The following ZNF385D variants were observed in gnomAD, a reference collection of about 807,000 sequenced individuals.
ZNF385D encodes the protein zinc finger protein 659.
Under a neutral mutation model 35.8 loss-of-function variants are expected in ZNF385D, and 15 were observed. That is an observed-to-expected ratio of 0.42 (90% CI 0.28 to 0.64). ZNF385D has a LOEUF of 0.64. Ranked by LOEUF, ZNF385D falls within the 30% of genes least tolerant of loss-of-function variation. The pLI is 0.23. For missense variants in ZNF385D, 474 were observed against 494.6 expected (o/e 0.96, Z 0.39); for synonymous variants, 212 against 186.8 (o/e 1.13, Z -1.10).
At chr3:21,639,981 G>A (rs1247465215) in intron 2 of ZNF385D, among the ~76,000 whole-genome samples, 1 of 151,734 alleles carries the variant, frequency 6.6e-6, no homozygotes, top group Admixed American at 6.6e-5. Flanking sequence ...TGATCTTTCT[G>A]GATTATTCTT....
intron 3 of ZNF385D, among the ~76,000 whole-genome samples, chr3:21,797,722 T>C (rs548817407): frequency 6.6e-6 from 1 of 152,288 alleles, no homozygotes; most frequent in Admixed American, 6.5e-5. Context: ...CCTAAATCCA[T>C]ATTATCAAGT....
intron 3 of ZNF385D, among the ~76,000 whole-genome samples, chr3:21,816,267 C>A (rs1055119981): frequency 6.6e-6 from 1 of 152,108 alleles, no homozygotes; most frequent in East Asian, 1.9e-4. Flanking sequence ...TGAAAACTGG[C>A]ACAAGACAGG....
intron 3 of ZNF385D, among the ~76,000 whole-genome samples, chr3:21,529,893 T>TA (rs2061883180): frequency 6.6e-6 from 1 of 152,190 alleles, no homozygotes; most frequent in Non-Finnish European, 1.5e-5. Context: ...GAAAAAGTGA[T>TA]ATGGTTTTAA....
intron 3 of ZNF385D, among the ~76,000 whole-genome samples, chr3:21,780,538 A>G (rs2071449571): frequency 6.6e-6 from 1 of 151,994 alleles, no homozygotes; most frequent in African/African-American, 2.4e-5. Context: ...TTCTTTCTTA[A>G]TTTTCAGAGT....
chr3:21,535,516 G>T (rs1451885651), intron 3 of ZNF385D, among the ~76,000 whole-genome samples: 1 of 152,062 alleles, frequency 6.6e-6, no homozygotes. Context: ...CTCCTGTTTT[G>T]TTAGGCATAG....
At chr3:21,602,022 T>C (rs111945641) in intron 2 of ZNF385D, among the ~76,000 whole-genome samples, 13 of 152,292 alleles carry the variant, frequency 8.5e-5, no homozygotes, top group African/African-American at 3.1e-4. Flanking sequence ...AAAGGTGTAA[T>C]TGACTTACAG....
At chr3:21,827,866 G>A (rs1371900937) in intron 3 of ZNF385D, among the ~76,000 whole-genome samples, 1 of 152,200 alleles carries the variant, frequency 6.6e-6, no homozygotes, top group Non-Finnish European at 1.5e-5. Context: ...GAAACATGCT[G>A]AATTTGTAGC....
chr3:21,694,041 G>GTTTTTTTTTTTTTTT (rs1559525354), intron 1 of ZNF385D, among the ~76,000 whole-genome samples: 3 of 24,204 alleles, frequency 1.2e-4, no homozygotes, highest in African/African-American at 2.2e-4. Flanking sequence ...ACTACGCCTG[G>GTTTTTTTTTTTTTTT]CTTTTTTTTT....
intron 3 of ZNF385D, among the ~76,000 whole-genome samples, chr3:21,883,706 G>A (rs974826274): frequency 6.6e-6 from 1 of 152,040 alleles, no homozygotes. Flanking sequence ...ACTACAGAAA[G>A]GAAAGTCATT....
intron 2 of ZNF385D, among the ~76,000 whole-genome samples, chr3:22,340,043 C>T (rs1223224385): frequency 1.3e-5 from 2 of 152,136 alleles, no homozygotes; most frequent in Non-Finnish European, 2.9e-5. Context: ...AAAACTCAGA[C>T]ATTTTCATAG....
chr3:22,201,552 A>G (rs369046000), intron 2 of ZNF385D, among the ~76,000 whole-genome samples: 1 of 152,044 alleles, frequency 6.6e-6, no homozygotes, highest in South Asian at 2.1e-4. Context: ...AGGTTTTCTA[A>G]TATTATTGAA....
chr3:21,791,768 C>T (rs1412126631), intron 3 of ZNF385D, among the ~76,000 whole-genome samples: 3 of 152,158 alleles, frequency 2.0e-5, no homozygotes, highest in Non-Finnish European at 4.4e-5. Context: ...TGGCATCTCA[C>T]TCTGTCATCA....
chr3:22,244,221 A>T lies in ZNF385D; in HGVS notation c.107-75186T>A, dbSNP rs759517307. On this transcript the variant is annotated intron_variant, in intron 2 of 5. Transcript: ENST00000494108. Reference sequence around the variant, plus strand: ...TTTCTCTAGGGTTTGCAATACCTGCAGTTTGCCACAATATGTTGTTTTGTT... The same window carrying T: ...TTTCTCTAGGGTTTGCAATACCTGCTGTTTGCCACAATATGTTGTTTTGTT... Among the ~76,000 whole-genome samples the T allele has an allele frequency of 1.6e-4, 24 of 150,696 alleles. 1 individual carries two copies. The highest frequency in any genetic ancestry group is 3.1e-4 in the Non-Finnish European group (21 of 67,900).
At chr3:21,949,306 G>C (rs1232168854) in intron 3 of ZNF385D, among the ~76,000 whole-genome samples, 1 of 152,118 alleles carries the variant, frequency 6.6e-6, no homozygotes, top group Admixed American at 6.6e-5. Context: ...GTTTGTGTCT[G>C]TGTGTGCACA....
intron 3 of ZNF385D, among the ~76,000 whole-genome samples, chr3:21,556,053 G>GTTTTTTTTTTTTTTTTTTTTTTTTTT (rs1209768767): frequency 9.0e-6 from 1 of 110,788 alleles, no homozygotes; most frequent in African/African-American, 3.4e-5. Flanking sequence ...ACTTTTTGAC[G>GTTTTTTTTTTTTTTTTTTTTTTTTTT]TTTTTTTTGT....
At chr3:22,293,134 T>C (rs1004970391) in intron 2 of ZNF385D, among the ~76,000 whole-genome samples, 1 of 152,002 alleles carries the variant, frequency 6.6e-6, no homozygotes, top group African/African-American at 2.4e-5. Flanking sequence ...ACATCATAAA[T>C]CCCTCAAAAA....
At chr3:22,352,271 A>G (rs1278255006) in intron 2 of ZNF385D, among the ~76,000 whole-genome samples, 3 of 152,196 alleles carry the variant, frequency 2.0e-5, no homozygotes, top group Non-Finnish European at 4.4e-5. Context: ...ATTTCCTCCC[A>G]TTCCTCATCT....
At chr3:22,317,688 G>A (rs1296106805) in intron 2 of ZNF385D, among the ~76,000 whole-genome samples, 1 of 152,082 alleles carries the variant, frequency 6.6e-6, no homozygotes, top group African/African-American at 2.4e-5. Context: ...GGTAATAACG[G>A]TAATTACACT....
intron 2 of ZNF385D, among the ~76,000 whole-genome samples, chr3:21,576,980 C>T (rs1459519841): frequency 6.6e-6 from 1 of 152,084 alleles, no homozygotes; most frequent in African/African-American, 2.4e-5. Context: ...TATCCATCAC[C>T]TCTAACATTT....
Sources: gnomAD v4.1 joint callset for allele counts (sites outside exome capture counted in the v4.1 genomes callset) on GRCh38, gnomAD v4.1.1 for gene constraint, MANE v1.5 for transcripts, NCBI Gene and HGNC (gene_info 2026-07-23, HGNC 2026-07-21) for gene names.